RFX4: variants seen among roughly 807,000 people sequenced by gnomAD.
RFX4 encodes the protein regulatory factor X4, also known as transcription factor RFX4.
RFX4 carries 10 observed loss-of-function variants against 95.0 expected under a neutral mutation model. The ratio of observed to expected loss-of-function variants is 0.11; its 90% CI spans 0.06 to 0.18. The LOEUF is 0.18. Ranked by LOEUF, RFX4 falls within the 10% of genes least tolerant of loss-of-function variation. RFX4 has a pLI of 1.00. For missense variants in RFX4, 640 were observed against 922.0 expected (o/e 0.69, Z 3.96); for synonymous variants, 321 against 340.7 (o/e 0.94, Z 0.64).
chr12:106,752,463 C>A (rs11113103), intron 17 of RFX4, among the ~76,000 whole-genome samples: 31,183 of 151,506 alleles, frequency 0.21, 3,522 homozygotes, highest in South Asian at 0.28. Flanking sequence ...TTTTTTCATT[C>A]TATCCCCTCT....
At chr12:106,723,816 G>A (rs1228094275) in intron 13 of RFX4, among the ~76,000 whole-genome samples, 1 of 152,162 alleles carries the variant, frequency 6.6e-6, no homozygotes, top group Admixed American at 6.5e-5. Context: ...TAAGAGACAG[G>A]AATTGCTTTC....
intron 2 of RFX4, among the ~76,000 whole-genome samples, chr12:106,623,085 C>T (rs1396292588): frequency 7.0e-6 from 1 of 142,752 alleles, no homozygotes; most frequent in Non-Finnish European, 1.5e-5. Flanking sequence ...GTCACCCAGG[C>T]TGGAGTGCAG....
intron 5 of RFX4, among the ~76,000 whole-genome samples, chr12:106,685,702 A>G (rs1192487439): frequency 6.6e-6 from 1 of 152,256 alleles, no homozygotes; most frequent in Non-Finnish European, 1.5e-5. Context: ...TCAGTAGGAT[A>G]GCACTGTGGC....
chr12:106,600,632 T>C (rs887574587), intron 1 of RFX4, among the ~76,000 whole-genome samples: 2 of 152,162 alleles, frequency 1.3e-5, no homozygotes, highest in Admixed American at 6.5e-5. Flanking sequence ...AGTCCTCCAA[T>C]AGCTTCTTAG....
chr12:106,754,368 A>G (rs544082711), intron 17 of RFX4, among the ~76,000 whole-genome samples: 1 of 152,326 alleles, frequency 6.6e-6, no homozygotes, highest in East Asian at 1.9e-4. Flanking sequence ...TCATTCATTC[A>G]TTAATTTATT....
chr12:106,718,064 T>C (rs2042326596), intron 11 of RFX4, among the ~76,000 whole-genome samples: 1 of 152,216 alleles, frequency 6.6e-6, no homozygotes, highest in African/African-American at 2.4e-5. Context: ...AGCAAGCTGA[T>C]TAGAATGAGT....
intron 2 of RFX4, among the ~76,000 whole-genome samples, chr12:106,609,954 A>T (rs1476542807): frequency 1.3e-5 from 2 of 152,066 alleles, no homozygotes; most frequent in African/African-American, 2.4e-5. Flanking sequence ...AACTTTTCTC[A>T]GTCAGTATAA....
chr12:106,719,805 GT>G (rs1341036093), intron 11 of RFX4, among the ~76,000 whole-genome samples, 154 bp from the exon 12 acceptor site: 2 of 152,232 alleles, frequency 1.3e-5, no homozygotes, highest in Non-Finnish European at 2.9e-5. Context: ...GTTGGGGCAT[GT>G]TTTATAAAGT....
At chr12:106,729,107 T>C (rs868556888) in intron 13 of RFX4, among the ~76,000 whole-genome samples, 2 of 152,228 alleles carry the variant, frequency 1.3e-5, no homozygotes, top group African/African-American at 4.8e-5. Context: ...CCTTGTCTTA[T>C]AAAACAAGAG....
At chr12:106,696,496 T>C (rs1252324596) in intron 8 of RFX4, 50 bp downstream of exon 8, 2 of 1,603,128 alleles carry the variant, frequency 1.2e-6, no homozygotes, top group Admixed American at 3.3e-5. Flanking sequence ...ACAGAAGGGA[T>C]TGTTCTGCTT....
chr12:106,636,369 G>A (rs1269242817), intron 2 of RFX4, among the ~76,000 whole-genome samples: 8 of 147,582 alleles, frequency 5.4e-5, no homozygotes, highest in East Asian at 2.0e-4. Flanking sequence ...CAGCCTGGGT[G>A]GCAAGAGCAA....
At chr12:106,617,245 T>G (rs1409136940) in intron 2 of RFX4, among the ~76,000 whole-genome samples, 2 of 152,152 alleles carry the variant, frequency 1.3e-5, no homozygotes, top group African/African-American at 2.4e-5. Context: ...AAGAATTGCA[T>G]TCATTTCTGC....
intron 15 of RFX4, among the ~76,000 whole-genome samples, chr12:106,742,721 TG>T (rs950516210): frequency 1.1e-4 from 16 of 152,180 alleles, no homozygotes; most frequent in African/African-American, 3.9e-4. Context: ...GGTTTGGGGT[TG>T]GGCAGACCTG....
intron 4 of RFX4, among the ~76,000 whole-genome samples, chr12:106,657,901 T>G (rs2040992466): frequency 6.6e-6 from 1 of 152,164 alleles, no homozygotes; most frequent in South Asian, 2.1e-4. Context: ...GTTTTCTCTC[T>G]ATATATAGAT....
At chr12:106,628,292 C>T (rs770403322) in intron 2 of RFX4, among the ~76,000 whole-genome samples, 1 of 152,184 alleles carries the variant, frequency 6.6e-6, no homozygotes, top group Admixed American at 6.5e-5. Flanking sequence ...CATTTAGTCT[C>T]TCCATGGGGC....
chr12:106,584,794 T>C (rs564487304), intron 1 of RFX4, among the ~76,000 whole-genome samples: 35 of 151,508 alleles, frequency 2.3e-4, no homozygotes, highest in Non-Finnish European at 5.0e-4. Context: ...CTCTGATTCC[T>C]AGAGTCAAGG....
rs751582973 is a variant in RFX4, at chr12:106,715,554, C to A, written c.1138+10C>A. 1 of 1,612,490 alleles carries A rather than the reference C, an allele frequency of 6.2e-7. No individual in the cohort carries two copies. On this transcript the variant is annotated intron_variant, in intron 11 of 17. Coordinates refer to ENST00000392842, the MANE Select transcript of RFX4 (RefSeq NM_213594.3). ...AAACTCATCACCCAATGTAAGCTGT[C>A]CCACCAGGGATTGTTGTCCTGTTTT...
intron 2 of RFX4, among the ~76,000 whole-genome samples, chr12:106,619,691 A>G (rs572089217): frequency 6.6e-6 from 1 of 152,100 alleles, no homozygotes; most frequent in Admixed American, 6.5e-5. Context: ...CACTATTCTC[A>G]TCTTCTGGAG....
rs1378230185 is a variant in RFX4, at chr12:106,586,957, C to A, written c.43+3594C>A. ...CTCCAGCGCCCAAACCAGACAGTCT[C>A]GCCCTCCCCGGGCGTGTGTGTGTGC... On this transcript the variant is annotated intron_variant, in intron 1 of 17. Transcript: ENST00000392842. This position sits in a 1 kb window ranked among gnomAD's most constrained non-coding sequence, Gnocchi z 5.6. 6.6e-6 allele frequency among the ~76,000 whole-genome samples: 1 copy of A among 152,194 alleles called. No homozygotes were observed. Among genetic ancestry groups the A allele is most frequent in the African/African-American group, 2.4e-5 (1 of 41,466 alleles).
Sources: allele counts gnomAD v4.1 joint callset (sites outside exome capture counted in the v4.1 genomes callset), GRCh38; gene constraint gnomAD v4.1.1; non-coding constraint Gnocchi (gnomAD v3.1); transcripts MANE v1.5; gene names NCBI Gene and HGNC (gene_info 2026-07-23, HGNC 2026-07-21).